The following DPYD variants were observed in gnomAD, a reference collection of about 807,000 sequenced individuals.
DPYD encodes dihydropyrimidine dehydrogenase [NADP(+)].
Under a neutral mutation model 116.2 loss-of-function variants are expected in DPYD, and 109 were observed. The observed-to-expected ratio is 0.94, with a 90% CI of 0.80 to 1.10. The LOEUF (loss-of-function observed/expected upper bound fraction) is 1.10. Among genes scored for constraint, DPYD ranks in the 50% least tolerant of loss-of-function variants. The probability of loss-of-function intolerance (pLI) is 0.00; values close to 1 mark genes in which losing one functional copy is unlikely to be tolerated. For synonymous variants in DPYD, 440 were observed against 432.0 expected, an observed-to-expected ratio of 1.02 and a Z score of -0.23; for missense variants, 1,302 against 1,254.5, an observed-to-expected ratio of 1.04 and a Z score of -0.57.
chr1:97,293,381 T>C (rs1570448984), intron 18 of DPYD, among the ~76,000 whole-genome samples: 1 of 152,278 alleles, frequency 6.6e-6, no homozygotes, highest in African/African-American at 2.4e-5. Context: ...AGTCAGACAG[T>C]AGAGATTCCC....
At chr1:97,113,796 T>C (rs997974019) in intron 20 of DPYD, among the ~76,000 whole-genome samples, 3 of 152,128 alleles carry the variant, frequency 2.0e-5, no homozygotes, top group African/African-American at 7.2e-5. Context: ...AAGGAAAATA[T>C]GTTGTTTAAA....
At chr1:97,091,767 T>C (rs1649913529) in intron 21 of DPYD, among the ~76,000 whole-genome samples, 1 of 152,188 alleles carries the variant, frequency 6.6e-6, no homozygotes, top group Admixed American at 6.5e-5. Context: ...CAGTATATAT[T>C]TTCCCTCCTG....
chr1:97,810,218 C>T (rs1330860178), intron 3 of DPYD, among the ~76,000 whole-genome samples: 15 of 131,780 alleles, frequency 1.1e-4, no homozygotes, highest in African/African-American at 2.0e-4. Context: ...ACCCAGGAGG[C>T]AGAGCTTGCA....
At chr1:97,384,443 TCTA>T (rs1672191203) in intron 14 of DPYD, among the ~76,000 whole-genome samples, 1 of 152,022 alleles carries the variant, frequency 6.6e-6, no homozygotes, top group South Asian at 2.1e-4. Context: ...TCATCATCTA[TCTA>T]CAGTAACTAG....
At chr1:97,403,686 G>A (rs1291116024) in intron 14 of DPYD, among the ~76,000 whole-genome samples, 2 of 151,806 alleles carry the variant, frequency 1.3e-5, no homozygotes, top group African/African-American at 2.4e-5. Flanking sequence ...ATTAACTTAT[G>A]TCCTCTCTTT....
intron 20 of DPYD, among the ~76,000 whole-genome samples, chr1:97,184,636 T>G (rs1006483363): frequency 6.6e-6 from 1 of 152,300 alleles, no homozygotes; most frequent in South Asian, 2.1e-4. Flanking sequence ...TTTATAGTTT[T>G]TACATGCCAT....
chr1:97,253,814 T>A (rs540337414), intron 18 of DPYD, among the ~76,000 whole-genome samples: 90 of 152,260 alleles, frequency 5.9e-4, no homozygotes, highest in African/African-American at 2.1e-3. Context: ...TTCCCCTATA[T>A]AACACTTGGA....
At chr1:97,274,996 C>T (rs1290748339) in intron 18 of DPYD, among the ~76,000 whole-genome samples, 1 of 152,084 alleles carries the variant, frequency 6.6e-6, no homozygotes, top group African/African-American at 2.4e-5. Context: ...AAATATTGGA[C>T]TGAGAAGCTG....
intron 14 of DPYD, among the ~76,000 whole-genome samples, chr1:97,422,258 A>C (rs1163016671): frequency 6.6e-6 from 1 of 152,210 alleles, no homozygotes; most frequent in Non-Finnish European, 1.5e-5. Flanking sequence ...TTCAAATAAA[A>C]TAATGCACTT....
At chr1:97,402,720 C>T (rs1673440808) in intron 14 of DPYD, among the ~76,000 whole-genome samples, 1 of 151,964 alleles carries the variant, frequency 6.6e-6, no homozygotes, top group African/African-American at 2.4e-5. Context: ...AATTTCTCAC[C>T]ATTAAATGTG....
At chr1:97,294,681 G>A (rs145748971) in intron 18 of DPYD, among the ~76,000 whole-genome samples, 42 of 152,264 alleles carry the variant, frequency 2.8e-4, no homozygotes, top group African/African-American at 9.6e-4. Flanking sequence ...GTGCTCAGAC[G>A]GTTCATCCAA....
At chr1:97,838,695 A>G (rs915441650) in intron 2 of DPYD, among the ~76,000 whole-genome samples, 7 of 149,342 alleles carry the variant, frequency 4.7e-5, no homozygotes, top group Non-Finnish European at 8.9e-5. Flanking sequence ...AATACAAAAA[A>G]TTAGCCGGGC....
At chr1:97,773,950 G>T (rs552193638) in intron 3 of DPYD, among the ~76,000 whole-genome samples, 1 of 152,174 alleles carries the variant, frequency 6.6e-6, no homozygotes, top group Non-Finnish European at 1.5e-5. Context: ...AAGGCAGAAG[G>T]TCTAATTGGG....
At chr1:97,863,840 CTA>C (rs773788126) in intron 2 of DPYD, among the ~76,000 whole-genome samples, 325 of 152,048 alleles carry the variant, frequency 2.1e-3, no homozygotes, top group Middle Eastern at 3.4e-3. Context: ...CAACTTATCT[CTA>C]GAGTCTTAAT....
At chr1:97,195,634 GTATATATATATATATATATA>G (rs71071637) in intron 19 of DPYD, among the ~76,000 whole-genome samples, 606 of 57,732 alleles carry the variant, frequency 0.01, 38 homozygotes, top group East Asian at 0.061. Flanking sequence ...ATATGTATGT[GTATATATATATATATATATA>G]TATATATATA....
chr1:97,388,087 T>A (rs1205891910), intron 14 of DPYD, among the ~76,000 whole-genome samples: 3 of 152,110 alleles, frequency 2.0e-5, no homozygotes, highest in Non-Finnish European at 2.9e-5. Context: ...AGTGGATAGT[T>A]CTGAGGTTCT....
intron 16 of DPYD, among the ~76,000 whole-genome samples, chr1:97,335,414 C>T (rs575830288): frequency 6.6e-6 from 1 of 151,272 alleles, no homozygotes; most frequent in Non-Finnish European, 1.5e-5. Flanking sequence ...TTTAAAAGAG[C>T]TTCACAGATT....
intron 8 of DPYD, among the ~76,000 whole-genome samples, chr1:97,616,338 G>A (rs1656266926): frequency 2.0e-5 from 3 of 152,086 alleles, no homozygotes; most frequent in South Asian, 2.1e-4. Flanking sequence ...ACACATAAGT[G>A]AGTAAATCAT....
intron 14 of DPYD, 137 bp downstream of exon 14, chr1:97,449,922 A>T: frequency 9.1e-7 from 1 of 1,097,644 alleles, no homozygotes; most frequent in Non-Finnish European, 1.3e-6. Flanking sequence ...TTATCTTTCT[A>T]TGCATCAGCA....
Sources: gnomAD v4.1 joint callset for allele counts (sites outside exome capture counted in the v4.1 genomes callset) on GRCh38, gnomAD v4.1.1 for gene constraint, MANE v1.5 for transcripts, NCBI Gene and HGNC (gene_info 2026-07-23, HGNC 2026-07-21) for gene names.